The following ELFN1 variants were observed in gnomAD, a reference collection of about 807,000 sequenced individuals.
ELFN1 encodes extracellular leucine rich repeat and fibronectin type III domain containing 1.
A neutral mutation model predicts 7.6 loss-of-function variants in ELFN1; 6 were observed. That is an observed-to-expected ratio of 0.79 (90% CI 0.43 to 1.56). The LOEUF (loss-of-function observed/expected upper bound fraction) is 1.56, where lower values mean the gene tolerates loss of function less well. Ranked by LOEUF, ELFN1 falls within the 40% of genes most tolerant of loss-of-function variation. The pLI is 0.01. For synonymous variants in ELFN1, 657 were observed against 588.1 expected, an observed-to-expected ratio of 1.12 and a Z score of -1.70; for missense variants, 1,169 against 1,232.2, an observed-to-expected ratio of 0.95 and a Z score of 0.77.
intron 2 of ELFN1, among the ~76,000 whole-genome samples, chr7:1,690,751 A>AGGTG: frequency 7.2e-6 from 1 of 138,370 alleles, no homozygotes; most frequent in East Asian, 2.5e-4. Flanking sequence ...ATGAATGGAT[A>AGGTG]GGTGGGTGGG....
At chr7:1,676,008 C>T (rs1376771792) in intron 1 of ELFN1, among the ~76,000 whole-genome samples, 11 of 152,260 alleles carry the variant, frequency 7.2e-5, no homozygotes, top group Non-Finnish European at 1.2e-4. Context: ...GCCTGGCCCC[C>T]GCACTGGTCA....
chr7:1,711,581 A>C (rs374112395), intron 3 of ELFN1, among the ~76,000 whole-genome samples: 1 of 35,428 alleles, frequency 2.8e-5, no homozygotes, highest in Non-Finnish European at 7.1e-5. Context: ...AGAGTGAGAG[A>C]GAGAGAGAGA....
At chr7:1,736,325 G>A (rs76073580) in intron 3 of ELFN1, among the ~76,000 whole-genome samples, 9,912 of 151,868 alleles carry the variant, frequency 0.065, 423 homozygotes, top group South Asian at 0.12. Context: ...TGGAAACTTC[G>A]CTCCATCAGC....
At chr7:1,722,565 C>T (rs1015071062) in intron 3 of ELFN1, among the ~76,000 whole-genome samples, 1 of 152,104 alleles carries the variant, frequency 6.6e-6, no homozygotes, top group Admixed American at 6.6e-5. Flanking sequence ...GCCACCGCGC[C>T]TGGGCAGGAG....
Position 1,694,665 on chromosome 7 carries a change from C to T in ELFN1, c.-456+6515C>T, listed in dbSNP as rs143997475. On this transcript the variant is annotated intron_variant, in intron 2 of 3. Coordinates refer to ENST00000424383, the MANE Select transcript of ELFN1 (RefSeq NM_001128636.4). The stretch of plus-strand genomic sequence containing the variant: ...CCCAGCACCCAGACGCCCACCTGCC[C>T]AGGTGCAGAGGCCCTTGCAGGAGCG... 5.9e-3 allele frequency among the ~76,000 whole-genome samples: 899 copies of T among 152,324 alleles called. 4 individuals are homozygous for T. The highest frequency in any genetic ancestry group is 0.02 in the Middle Eastern group (6 of 294).
intron 1 of ELFN1, among the ~76,000 whole-genome samples, chr7:1,672,307 A>G (rs920893908): frequency 6.6e-6 from 1 of 152,044 alleles, no homozygotes; most frequent in Non-Finnish European, 1.5e-5. Flanking sequence ...CTGATTTTTC[A>G]AAGTGTCTTT....
chr7:1,719,014 C>T (rs1338313153), intron 3 of ELFN1, among the ~76,000 whole-genome samples: 5 of 152,084 alleles, frequency 3.3e-5, no homozygotes, highest in South Asian at 2.1e-4. Context: ...GGGACCAGCC[C>T]GGAGCTGTCC....
At chr7:1,730,341 C>T (rs1179963593) in intron 3 of ELFN1, among the ~76,000 whole-genome samples, 1 of 152,182 alleles carries the variant, frequency 6.6e-6, no homozygotes, top group Non-Finnish European at 1.5e-5. Context: ...AGGAGGAAGC[C>T]AGGACAGCCT....
intron 3 of ELFN1, among the ~76,000 whole-genome samples, chr7:1,727,051 T>A (rs185802652): frequency 6.6e-6 from 1 of 152,272 alleles, no homozygotes; most frequent in Admixed American, 6.5e-5. Context: ...TGGGATTCCA[T>A]CACGCGTGTT....
Position 1,745,273 on chromosome 7 carries a change from ACTCCGG to A in ELFN1, c.680_685del (p.Ser227_Gly228del). The A allele has an allele frequency of 6.5e-7, 1 of 1,538,536 alleles. No individual in the cohort carries two copies. The highest frequency in any genetic ancestry group is 8.7e-7 in the Non-Finnish European group (1 of 1,146,812). On this transcript the variant is annotated inframe_deletion, in exon 4 of 4. Coordinates refer to ENST00000424383, the MANE Select transcript of ELFN1 (RefSeq NM_001128636.4). ...ATGCAGTGCGAGTCGCCGCCCGTCTACTCCGGCTACTACCTCCTGGGCCAGGGCCGC... is the reference window on the plus strand; with the variant it reads ...ATGCAGTGCGAGTCGCCGCCCGTCTACTACTACCTCCTGGGCCAGGGCCGC...
At chr7:1,721,089 T>C (rs928895366) in intron 3 of ELFN1, among the ~76,000 whole-genome samples, 2 of 152,238 alleles carry the variant, frequency 1.3e-5, no homozygotes, top group South Asian at 2.1e-4. Context: ...AAATTAAACA[T>C]TGGATAAAAC....
upstream of ELFN1, among the ~76,000 whole-genome samples, chr7:1,667,531 G>T (rs944780536): frequency 6.6e-6 from 1 of 152,174 alleles, no homozygotes; most frequent in African/African-American, 2.4e-5. The surrounding 1 kb of genome is among the most constrained non-coding windows in gnomAD (Gnocchi z 8.2). Flanking sequence ...GGGCCCAGGA[G>T]GGTTCGGTCT....
Position 1,705,953 on chromosome 7 carries a change from A to G in ELFN1, c.-455-3138A>G, listed in dbSNP as rs1189645644. Among the ~76,000 whole-genome samples the G allele has an allele frequency of 6.6e-6, 1 of 152,118 alleles. No individual in the cohort carries two copies. Among genetic ancestry groups the G allele is most frequent in the Non-Finnish European group, 1.5e-5 (1 of 68,020 alleles). ...GAACTGTGAGCCTTCACCCTGACAAAGGGATGGTCACGATCGTCCTTGTTC... is the reference window on the plus strand; with the variant it reads ...GAACTGTGAGCCTTCACCCTGACAAGGGGATGGTCACGATCGTCCTTGTTC... On this transcript the variant is annotated intron_variant, in intron 2 of 3. Transcript: ENST00000424383. This position sits in a 1 kb window ranked among gnomAD's most constrained non-coding sequence, Gnocchi z 4.3.
chr7:1,689,003 C>A (rs1779108019), intron 2 of ELFN1, among the ~76,000 whole-genome samples: 1 of 152,156 alleles, frequency 6.6e-6, no homozygotes, highest in South Asian at 2.1e-4. Flanking sequence ...GCATTTAATA[C>A]CCCAATAAAC....
At chr7:1,724,884 A>G (rs529076655) in intron 3 of ELFN1, among the ~76,000 whole-genome samples, 20 of 152,190 alleles carry the variant, frequency 1.3e-4, no homozygotes, top group Non-Finnish European at 2.6e-4. Context: ...CTCTTTGCCA[A>G]CTTCTGAGGG....
intron 1 of ELFN1, among the ~76,000 whole-genome samples, chr7:1,674,131 A>G (rs1414828138): frequency 6.8e-6 from 1 of 147,104 alleles, no homozygotes; most frequent in Non-Finnish European, 1.5e-5. Flanking sequence ...AGTCAGGCAG[A>G]GAGGACCACT....
intron 3 of ELFN1, among the ~76,000 whole-genome samples, chr7:1,728,036 C>T (rs903781714): frequency 2.6e-5 from 4 of 152,174 alleles, no homozygotes; most frequent in South Asian, 2.1e-4. Flanking sequence ...TTTGCATGGG[C>T]GGTTTTCTGT....
At chr7:1,737,537 T>G (rs1780483752) in intron 3 of ELFN1, among the ~76,000 whole-genome samples, 1 of 152,178 alleles carries the variant, frequency 6.6e-6, no homozygotes, top group South Asian at 2.1e-4. Context: ...AGAGAGAGCT[T>G]CTTCGGGAAG....
intron 1 of ELFN1, among the ~76,000 whole-genome samples, chr7:1,684,817 A>G (rs1467505122): frequency 1.3e-5 from 2 of 152,156 alleles, no homozygotes; most frequent in Admixed American, 1.3e-4. Context: ...GTTATAACAT[A>G]TAACAATATA....
Sources: gnomAD v4.1 joint callset for allele counts (sites outside exome capture counted in the v4.1 genomes callset) on GRCh38, gnomAD v4.1.1 for gene constraint, Gnocchi (gnomAD v3.1) non-coding constraint, MANE v1.5 for transcripts, NCBI Gene and HGNC (gene_info 2026-07-23, HGNC 2026-07-21) for gene names.